Variants in EEA1 observed in about 807,000 individuals in gnomAD.
The protein encoded by EEA1 is early endosome antigen 1, also known as early endosome antigen 1, 162kD.
Under a neutral mutation model 209.2 loss-of-function variants are expected in EEA1, and 111 were observed. That is an observed-to-expected ratio of 0.53 (90% CI 0.45 to 0.62). The LOEUF (loss-of-function observed/expected upper bound fraction) is 0.62. EEA1 is among the 20% of genes least tolerant of loss of function. EEA1 has a pLI of 0.00. For missense variants in EEA1, 1,343 were observed against 1,530.8 expected (o/e 0.88, Z 2.05); for synonymous variants, 536 against 540.6 (o/e 0.99, Z 0.12).
Position 92,826,150 on chromosome 12 carries a change from C to T in EEA1, c.1524+16G>A, listed in dbSNP as rs201433640. ...TAATTTGTGTTTACAAGGCTAATAA[C>T]GCAACTAATGTTTACCTGAGCTTCT... On this transcript the variant is annotated intron_variant, in intron 13 of 28. Coordinates refer to ENST00000322349, the MANE Select transcript of EEA1 (RefSeq NM_003566.4). 5.7e-4 allele frequency: 918 copies of T among 1,610,534 alleles called. 1 individual carries two copies. Among genetic ancestry groups the T allele is most frequent in the Middle Eastern group, 2.8e-3 (17 of 6,038 alleles).
intron 15 of EEA1, 135 bp downstream of exon 15, chr12:92,816,065 A>C: frequency 1.4e-6 from 1 of 727,134 alleles, no homozygotes; most frequent in African/African-American, 1.8e-5. Context: ...CAAATTATCT[A>C]GATATAGCCT....
chr12:92,790,427 T>A (rs1433936745), intron 21 of EEA1, among the ~76,000 whole-genome samples: 1 of 152,086 alleles, frequency 6.6e-6, no homozygotes, highest in African/African-American at 2.4e-5. Context: ...AATGGCTAAC[T>A]AGAATAAACA....
chr12:92,836,172 T>C (rs1876921961), intron 10 of EEA1, among the ~76,000 whole-genome samples: 2 of 152,242 alleles, frequency 1.3e-5, no homozygotes, highest in South Asian at 4.1e-4. Flanking sequence ...GGTAGAATCA[T>C]GGATTATGAT....
intron 13 of EEA1, among the ~76,000 whole-genome samples, chr12:92,819,805 G>C (rs1206258541): frequency 6.6e-6 from 1 of 151,710 alleles, no homozygotes; most frequent in Non-Finnish European, 1.5e-5. Context: ...CCTGATTTCA[G>C]ACACATGAGA....
rs1292538204 is a variant in EEA1 at position 92,771,493 on chromosome 12, A to C, written c.*4518T>G. 6.6e-6 allele frequency: 1 copy of C among 152,106 alleles called. No homozygotes were observed. Among genetic ancestry groups the C allele is most frequent in the Non-Finnish European group, 1.5e-5 (1 of 67,970 alleles). 9.4% of individuals were successfully genotyped at this position (152,106 alleles called of 1,614,324 possible). Reference sequence around the variant, plus strand: ...GTCAGAAATTTAATAGAAGAAAAAAAGGAAAATCTGGAGGACAGTAACTAT... The same window carrying C: ...GTCAGAAATTTAATAGAAGAAAAAACGGAAAATCTGGAGGACAGTAACTAT... On this transcript the variant is annotated 3_prime_UTR_variant, in exon 29 of 29. Transcript: ENST00000322349.
chr12:92,805,232 G>C (rs1478511012), intron 18 of EEA1, among the ~76,000 whole-genome samples: 2 of 152,044 alleles, frequency 1.3e-5, no homozygotes, highest in African/African-American at 4.8e-5. Flanking sequence ...AAATACCTAG[G>C]CACTGGAAAC....
At chr12:92,859,305 T>C in intron 3 of EEA1, 1 of 1,458,292 alleles carries the variant, frequency 6.9e-7, no homozygotes, top group Non-Finnish European at 9.5e-7. Context: ...CCATACTTGT[T>C]GGCAAAGGCA....
At chr12:92,793,683 T>C (rs1044712247) in intron 21 of EEA1, among the ~76,000 whole-genome samples, 15 of 152,132 alleles carry the variant, frequency 9.9e-5, no homozygotes, top group Admixed American at 2.0e-4. Flanking sequence ...GAAAAATCAA[T>C]ATCATGAAAA....
At chr12:92,893,798 G>A (rs1386032415) in intron 1 of EEA1, among the ~76,000 whole-genome samples, 2 of 147,468 alleles carry the variant, frequency 1.4e-5, no homozygotes, top group African/African-American at 5.0e-5. Flanking sequence ...CTTTTATCTT[G>A]AAAAAAATGT....
At chr12:92,860,181 C>G (rs540194865) in intron 3 of EEA1, among the ~76,000 whole-genome samples, 30 of 152,286 alleles carry the variant, frequency 2.0e-4, no homozygotes, top group Non-Finnish European at 3.8e-4. Context: ...AAAAAGGCAC[C>G]TGGCATCTTT....
intron 24 of EEA1, among the ~76,000 whole-genome samples, chr12:92,779,752 G>C (rs1475958144): frequency 6.6e-6 from 1 of 151,998 alleles, no homozygotes; most frequent in Admixed American, 6.6e-5. Flanking sequence ...CAGACATAAA[G>C]GACATTATGA....
chr12:92,777,529 C>T lies in EEA1; in HGVS notation c.4014+14G>A. The T allele has an allele frequency of 6.2e-7, 1 of 1,603,496 alleles. No homozygotes were observed. On this transcript the variant is annotated intron_variant, in intron 27 of 28. Coordinates refer to ENST00000322349, the MANE Select transcript of EEA1 (RefSeq NM_003566.4). ...CTAGACTAAAAAACTGCTTCATATC[C>T]ATAGGTGACTGACCTGAAGTGATTG...
At chr12:92,841,805 G>C (rs1170991687) in intron 10 of EEA1, among the ~76,000 whole-genome samples, 1 of 152,120 alleles carries the variant, frequency 6.6e-6, no homozygotes, top group South Asian at 2.1e-4. Flanking sequence ...CAGCCACTAT[G>C]GAAATTAGTA....
chr12:92,905,984 T>C (rs1880369672), intron 1 of EEA1, among the ~76,000 whole-genome samples: 1 of 152,094 alleles, frequency 6.6e-6, no homozygotes, highest in South Asian at 2.1e-4. Flanking sequence ...TGGCTCATCG[T>C]AGCCTCAAAT....
chr12:92,898,731 C>CT (rs772593153), intron 1 of EEA1, among the ~76,000 whole-genome samples: 1,723 of 76,140 alleles, frequency 0.023, 102 homozygotes, highest in East Asian at 0.032. Context: ...CTTTTTTTCC[C>CT]TTTTTTTTTT....
chr12:92,917,377 CAGACT>C (rs1880810005), intron 1 of EEA1, among the ~76,000 whole-genome samples: 1 of 147,076 alleles, frequency 6.8e-6, no homozygotes, highest in African/African-American at 2.6e-5. Context: ...GGAAGCCCAT[CAGACT>C]AACAGCGGAT....
intron 10 of EEA1, among the ~76,000 whole-genome samples, chr12:92,841,160 C>T (rs1445180103): frequency 6.6e-6 from 1 of 152,156 alleles, no homozygotes; most frequent in Non-Finnish European, 1.5e-5. Flanking sequence ...CCCAAACAGA[C>T]TAAGACAATG....
intron 27 of EEA1, 39 bp from the exon 28 acceptor site, chr12:92,776,981 A>G (rs1873684203): frequency 6.3e-7 from 1 of 1,585,102 alleles, no homozygotes; most frequent in Admixed American, 1.7e-5. Context: ...ATAGTATTCA[A>G]CATTTTAAAG....
chr12:92,884,135 G>A, intron 2 of EEA1: 2 of 1,210,098 alleles, frequency 1.7e-6, no homozygotes, highest in Non-Finnish European at 2.4e-6. Context: ...ACACCTAAGA[G>A]ATTATTTTGA....
Sources: allele counts gnomAD v4.1 joint callset (sites outside exome capture counted in the v4.1 genomes callset), GRCh38; gene constraint gnomAD v4.1.1; transcripts MANE v1.5; gene names NCBI Gene and HGNC (gene_info 2026-07-23, HGNC 2026-07-21).